The following DOCK4 variants were observed in gnomAD, a reference collection of about 807,000 sequenced individuals.
DOCK4 encodes dedicator of cytokinesis 4.
Under a neutral mutation model 268.1 loss-of-function variants are expected in DOCK4, and 97 were observed. That is an observed-to-expected ratio of 0.36 (90% confidence interval 0.31 to 0.43). The LOEUF is 0.43. DOCK4 is among the 20% of genes least tolerant of loss of function. DOCK4 has a pLI of 1.00. For missense variants in DOCK4, 2,145 were observed against 2,455.7 expected, an observed-to-expected ratio of 0.87 and a Z score of 2.67; for synonymous variants, 954 against 887.2, an observed-to-expected ratio of 1.08 and a Z score of -1.34.
intron 1 of DOCK4, among the ~76,000 whole-genome samples, chr7:112,095,641 G>C (rs962629543): frequency 2.6e-5 from 4 of 152,034 alleles, no homozygotes; most frequent in Admixed American, 1.3e-4. Context: ...CATTGATGTA[G>C]AGAAGGACAA....
chr7:111,741,148 T>C lies in DOCK4; in HGVS notation c.4986A>G (p.Glu1662=). 1 of 1,614,012 alleles carries C rather than the reference T, an allele frequency of 6.2e-7. No homozygotes were observed. The highest frequency in any genetic ancestry group is 8.5e-7 in the Non-Finnish European group (1 of 1,179,888). The change falls in exon 47 of 53, where the codon GAA becomes GAG. Residue 1662 remains glutamate (E), a synonymous_variant. Transcript: ENST00000428084. The part of the protein sequence containing the change: ...SSSLSSQASA[E]VSNITGQSES... Reference sequence around the variant, plus strand: ...CTGATTGCCCTGTAATATTGCTTACTTCAGCAGAAGCTTGTGAGGACAGTG... The same window carrying C: ...CTGATTGCCCTGTAATATTGCTTACCTCAGCAGAAGCTTGTGAGGACAGTG...
intron 1 of DOCK4, among the ~76,000 whole-genome samples, chr7:112,036,465 G>C (rs1002237838): frequency 2.6e-5 from 4 of 152,116 alleles, no homozygotes; most frequent in East Asian, 1.9e-4. Flanking sequence ...GAAAGCACAA[G>C]TGTGTTAATC....
At chr7:111,752,530 C>A (rs1376074387) in intron 42 of DOCK4, among the ~76,000 whole-genome samples, 1 of 141,562 alleles carries the variant, frequency 7.1e-6, no homozygotes, top group Non-Finnish European at 1.5e-5. Flanking sequence ...TTTATGGATT[C>A]TAAACTATAA....
At chr7:111,755,106 T>C (rs888164947) in intron 42 of DOCK4, among the ~76,000 whole-genome samples, 7 of 152,190 alleles carry the variant, frequency 4.6e-5, no homozygotes, top group Admixed American at 1.3e-4. Flanking sequence ...TGTCAAAAAT[T>C]GCAAAAACAG....
At chr7:112,095,823 TG>T (rs1244314758) in intron 1 of DOCK4, among the ~76,000 whole-genome samples, 10 of 152,172 alleles carry the variant, frequency 6.6e-5, no homozygotes, top group African/African-American at 2.4e-4. Context: ...GGCTCACACC[TG>T]CAATCCCAGC....
At chr7:112,111,290 G>A (rs1811628018) in intron 1 of DOCK4, among the ~76,000 whole-genome samples, 1 of 152,206 alleles carries the variant, frequency 6.6e-6, no homozygotes. Context: ...TAGGTATGAG[G>A]ATGCTAGGGG....
intron 1 of DOCK4, among the ~76,000 whole-genome samples, chr7:112,170,362 G>A (rs1300557915): frequency 2.6e-5 from 4 of 152,076 alleles, no homozygotes; most frequent in Non-Finnish European, 4.4e-5. Flanking sequence ...TCAGGAGGCT[G>A]AGGTGGAAGG....
intron 1 of DOCK4, among the ~76,000 whole-genome samples, chr7:112,046,119 T>A (rs1804800184): frequency 6.6e-6 from 1 of 152,218 alleles, no homozygotes; most frequent in Non-Finnish European, 1.5e-5. Context: ...TTTGTGTTTG[T>A]TTCTTTATTG....
At chr7:111,865,587 C>T (rs1805907285) in intron 22 of DOCK4, among the ~76,000 whole-genome samples, 1 of 152,218 alleles carries the variant, frequency 6.6e-6, no homozygotes, top group African/African-American at 2.4e-5. Flanking sequence ...GACCCTGTTC[C>T]CTGGTGGTGT....
At chr7:112,010,191 C>T (rs188852384) in intron 1 of DOCK4, among the ~76,000 whole-genome samples, 3 of 152,094 alleles carry the variant, frequency 2.0e-5, no homozygotes. Context: ...AAAGGGGTCA[C>T]CTCTTCTACA....
In DOCK4 at chr7:111,988,727, C is replaced by T. The variant is rs546745784; in HGVS notation, c.464+288G>A. Among the ~76,000 whole-genome samples, 8 of 152,306 alleles carry T rather than the reference C, an allele frequency of 5.3e-5. 1 individual carries two copies. Among genetic ancestry groups the T allele is most frequent in the Middle Eastern group, 3.4e-3 (1 of 294 alleles). On this transcript the variant is annotated intron_variant, in intron 6 of 52. Transcript: ENST00000428084. ...GAGAACAAGATCCATTTTAGTCAGA[C>T]GCCACATCTAGTTCATTGCTGTGAA... is the stretch of plus-strand genomic sequence containing the variant.
chr7:111,951,447 C>T (rs1796038493), intron 8 of DOCK4, among the ~76,000 whole-genome samples: 1 of 151,946 alleles, frequency 6.6e-6, no homozygotes, highest in South Asian at 2.1e-4. Context: ...ATTCCAGAGT[C>T]TGATTTGAGA....
At chr7:112,055,436 A>ATATTTCCTCC (rs1805726293) in intron 1 of DOCK4, among the ~76,000 whole-genome samples, 1 of 152,206 alleles carries the variant, frequency 6.6e-6, no homozygotes, top group Admixed American at 6.5e-5. Context: ...TATGGAAAGA[A>ATATTTCCTCC]AGGGGAATAC....
intron 20 of DOCK4, among the ~76,000 whole-genome samples, chr7:111,870,101 AC>A (rs1171590786): frequency 1.3e-5 from 2 of 152,120 alleles, no homozygotes; most frequent in African/African-American, 4.8e-5. Flanking sequence ...ATGCCTCCCC[AC>A]TGCTATGCAC....
intron 11 of DOCK4, among the ~76,000 whole-genome samples, chr7:111,938,097 T>C (rs1328143959): frequency 6.6e-6 from 1 of 152,218 alleles, no homozygotes; most frequent in Non-Finnish European, 1.5e-5. Flanking sequence ...GGTTGCTATG[T>C]GATAAAAAGA....
At chr7:111,992,793 CG>C (rs1311469916) in intron 5 of DOCK4, among the ~76,000 whole-genome samples, 1 of 152,086 alleles carries the variant, frequency 6.6e-6, no homozygotes, top group East Asian at 1.9e-4. Flanking sequence ...ACTCTTATAT[CG>C]GGTATTTGGA....
intron 26 of DOCK4, among the ~76,000 whole-genome samples, chr7:111,828,004 T>A (rs1308197249): frequency 1.3e-5 from 2 of 152,134 alleles, no homozygotes; most frequent in Non-Finnish European, 2.9e-5. Flanking sequence ...CACAGTTCTA[T>A]GAAAAGTTAT....
chr7:112,172,539 G>A (rs1467885509), intron 1 of DOCK4, among the ~76,000 whole-genome samples: 2 of 152,186 alleles, frequency 1.3e-5, no homozygotes, highest in Non-Finnish European at 2.9e-5. Flanking sequence ...TTCACTGCCA[G>A]TATTAAAAAC....
rs137887128 is a variant in DOCK4, at chr7:111,756,713, A to G, written c.4330-1112T>C. Reference sequence around the variant, plus strand: ...AAGTGTATTCCCAAGAGGATAATACACTTTACAAAATTCCTGAAATAGTGC... The same window carrying G: ...AAGTGTATTCCCAAGAGGATAATACGCTTTACAAAATTCCTGAAATAGTGC... On this transcript the variant is annotated intron_variant, in intron 41 of 52. Transcript: ENST00000428084. Among the ~76,000 whole-genome samples the G allele has an allele frequency of 5.8e-3, 886 of 152,112 alleles. 11 individuals are homozygous for G. Among genetic ancestry groups the G allele is most frequent in the African/African-American group, 0.02 (825 of 41,474 alleles).
Sources: allele counts gnomAD v4.1 joint callset (sites outside exome capture counted in the v4.1 genomes callset), GRCh38; gene constraint gnomAD v4.1.1; transcripts MANE v1.5; gene names NCBI Gene and HGNC (gene_info 2026-07-23, HGNC 2026-07-21).